The following IGSF3 variants were observed in gnomAD, a reference collection of about 807,000 sequenced individuals.
IGSF3 encodes immunoglobulin superfamily member 3.
A neutral mutation model predicts 114.4 loss-of-function variants in IGSF3; 23 were observed. The observed-to-expected ratio is 0.20, with a 90% CI of 0.14 to 0.28. The LOEUF is 0.28. Ranked by LOEUF, IGSF3 falls within the 10% of genes least tolerant of loss-of-function variation. The pLI is 1.00. For synonymous variants in IGSF3, 571 were observed against 645.2 expected, an observed-to-expected ratio of 0.88 and a Z score of 1.74; for missense variants, 1,172 against 1,591.5, an observed-to-expected ratio of 0.74 and a Z score of 4.48.
At position 116,634,605 on chromosome 1, in the gene IGSF3, T is replaced by G. The variant is rs1022684863; in HGVS notation, c.44-18148A>C. ...TGCTATGAGGGAGTTCATTTGTTCA[T>G]GCAATTTCCCCACCTGAGACAAAAT... On this transcript the variant is annotated intron_variant, in intron 2 of 10. Coordinates refer to ENST00000369486, the MANE Select transcript of IGSF3 (RefSeq NM_001007237.3). The surrounding 1 kb of genome is among the most constrained non-coding windows in gnomAD (Gnocchi z 4.2). Among the ~76,000 whole-genome samples the G allele has an allele frequency of 6.6e-6, 1 of 152,238 alleles. No homozygotes were observed. The highest frequency in any genetic ancestry group is 6.5e-5 in the Admixed American group (1 of 15,284).
Position 116,612,026 on chromosome 1 carries a change from T to C in IGSF3, c.832+1739A>G, listed in dbSNP as rs371406667. ...GGAATGCAGGGTGAAGTCATCAACT[T>C]TTTTTTCACTTAGTTTTCCTTTTGC... On this transcript the variant is annotated intron_variant, in intron 4 of 10. Coordinates refer to ENST00000369486, the MANE Select transcript of IGSF3 (RefSeq NM_001007237.3). The surrounding 1 kb of genome is among the most constrained non-coding windows in gnomAD (Gnocchi z 4.1). Among the ~76,000 whole-genome samples the C allele has an allele frequency of 2.6e-5, 4 of 152,168 alleles. No individual in the cohort carries two copies. In the South Asian group the frequency reaches 8.3e-4, roughly 32 times the overall value.
chr1:116,611,721 T>TG (rs1323252751), intron 4 of IGSF3, among the ~76,000 whole-genome samples: 2 of 152,152 alleles, frequency 1.3e-5, no homozygotes, highest in Non-Finnish European at 2.9e-5. Context: ...ATTTGTCTTA[T>TG]CAACCATCCC....
chr1:116,636,616 C>A lies in IGSF3; in HGVS notation c.44-20159G>T, dbSNP rs933495287. ...CTTGGAGAAGCTGTGATCTGTCTAG[C>A]CCTTCTACACCAGGAGCGAGGCCTG... is the stretch of plus-strand genomic sequence containing the variant. On this transcript the variant is annotated intron_variant, in intron 2 of 10. Coordinates refer to ENST00000369486, the MANE Select transcript of IGSF3 (RefSeq NM_001007237.3). The surrounding 1 kb of genome is among the most constrained non-coding windows in gnomAD (Gnocchi z 4.5). 2.0e-5 allele frequency among the ~76,000 whole-genome samples: 3 copies of A among 152,048 alleles called. No homozygotes were observed. Among genetic ancestry groups the A allele is most frequent in the African/African-American group, 7.3e-5 (3 of 41,376 alleles).
At position 116,585,164 on chromosome 1, in the gene IGSF3, C is replaced by T; in HGVS notation, c.2441-112G>A. On this transcript the variant is annotated intron_variant, in intron 8 of 10. Transcript: ENST00000369486. This position sits in a 1 kb window ranked among gnomAD's most constrained non-coding sequence, Gnocchi z 4.9. ...TTCCAAATACAGAAGGACGGCAGCA[C>T]ACACTCCATTAGGAGAAACGTTTCT... The T allele has an allele frequency of 1.3e-6, 1 of 752,292 alleles. No homozygotes were observed. The highest frequency in any genetic ancestry group is 2.1e-6 in the Non-Finnish European group (1 of 472,942). 46.6% of individuals were successfully genotyped at this position (752,292 alleles called of 1,614,324 possible). A position where few individuals can be genotyped will look rare whatever the true frequency, so the allele number is the denominator to read the frequency against.
intron 8 of IGSF3, among the ~76,000 whole-genome samples, chr1:116,586,715 T>C (rs942358540): frequency 6.6e-6 from 1 of 151,478 alleles, no homozygotes; most frequent in African/African-American, 2.4e-5. Flanking sequence ...TCAGTACAAA[T>C]GAGGAAAGGA....
chr1:116,605,911 G>C lies in IGSF3; in HGVS notation c.1223-1886C>G, dbSNP rs1660777107. On this transcript the variant is annotated intron_variant, in intron 5 of 10. Coordinates refer to ENST00000369486, the MANE Select transcript of IGSF3 (RefSeq NM_001007237.3). This position sits in a 1 kb window ranked among gnomAD's most constrained non-coding sequence, Gnocchi z 5.1. ...CAAGTCCTGGCTCATTTATTGAAAG[G>C]GCTACTGTTTGGTGGTGTCTGTTGC... Among the ~76,000 whole-genome samples the C allele has an allele frequency of 6.6e-6, 1 of 152,142 alleles. No homozygotes were observed. Among genetic ancestry groups the C allele is most frequent in the Non-Finnish European group, 1.5e-5 (1 of 68,036 alleles).
chr1:116,645,925 G>A (rs1023304863), intron 2 of IGSF3, among the ~76,000 whole-genome samples: 1 of 152,234 alleles, frequency 6.6e-6, no homozygotes, highest in Non-Finnish European at 1.5e-5. Context: ...GGAAGCCATG[G>A]ACGCGACTGC....
rs1286824267 is a variant in IGSF3, at chr1:116,613,952, G to C, written c.645C>G (p.Ser215Arg). Residue 215 changes from serine to arginine, a missense_variant, in exon 4 of 11, where the codon AGC becomes AGG. By Grantham distance (110) the Ser-to-Arg change is moderately radical (BLOSUM62 -1). Around this residue, in one of 3 missense-constraint regions of IGSF3, gnomAD observed 736 missense variants for 1,042.0 expected, o/e 0.71. Coordinates refer to ENST00000369486, the MANE Select transcript of IGSF3 (RefSeq NM_001007237.3). ...HSSSEYAQRQSLGEVRLDKLG... is the reference protein window; with the variant it reads ...HSSSEYAQRQRLGEVRLDKLG... ...GCTTGTCCAGCCGCACCTCCCCCAG[G>C]CTCTGCCTCTGGGCATATTCGCTGC... The C allele has an allele frequency of 6.2e-7, 1 of 1,613,924 alleles. No individual in the cohort carries two copies. Among genetic ancestry groups the C allele is most frequent in the Admixed American group, 1.7e-5 (1 of 60,026 alleles).
At chr1:116,623,272 C>A (rs1311224164) in intron 2 of IGSF3, among the ~76,000 whole-genome samples, 1 of 152,238 alleles carries the variant, frequency 6.6e-6, no homozygotes, top group Non-Finnish European at 1.5e-5. Flanking sequence ...TCCAAGTACT[C>A]TGCTTGTATA....
chr1:116,654,827 T>A lies in IGSF3; in HGVS notation c.43+11457A>T, dbSNP rs999620611. The stretch of plus-strand genomic sequence containing the variant: ...ACACACCCAGGACTTGGGATATTTG[T>A]GTATTTTCAAGAATAAAAGTTTGCC... On this transcript the variant is annotated intron_variant, in intron 2 of 10. Coordinates refer to ENST00000369486, the MANE Select transcript of IGSF3 (RefSeq NM_001007237.3). The surrounding 1 kb of genome is among the most constrained non-coding windows in gnomAD (Gnocchi z 4.4). Among the ~76,000 whole-genome samples the A allele has an allele frequency of 3.9e-5, 6 of 152,160 alleles. No homozygotes were observed. Among genetic ancestry groups the A allele is most frequent in the Non-Finnish European group, 5.9e-5 (4 of 68,036 alleles).
In IGSF3 at chr1:116,628,140, A is replaced by G. The variant is rs1336820486; in HGVS notation, c.44-11683T>C. ...GAGGATGGAGAAAGGATACAAAAAG[A>G]CACTGTGGGATTTCAGGGCAACCCA... On this transcript the variant is annotated intron_variant, in intron 2 of 10. Transcript: ENST00000369486. This position sits in a 1 kb window ranked among gnomAD's most constrained non-coding sequence, Gnocchi z 4.2. Among the ~76,000 whole-genome samples the G allele has an allele frequency of 3.9e-5, 6 of 152,230 alleles. No individual in the cohort carries two copies. In the East Asian group the frequency reaches 1.2e-3, roughly 29 times the overall value.
chr1:116,654,615 G>A lies in IGSF3; in HGVS notation c.43+11669C>T, dbSNP rs978471603. ...AGTATGAGGTGGGGAAGATGGATTG[G>A]CCTTATACTCACCACCCCCCATACG... On this transcript the variant is annotated intron_variant, in intron 2 of 10. Coordinates refer to ENST00000369486, the MANE Select transcript of IGSF3 (RefSeq NM_001007237.3). The surrounding 1 kb of genome is among the most constrained non-coding windows in gnomAD (Gnocchi z 4.4). 4.6e-5 allele frequency among the ~76,000 whole-genome samples: 7 copies of A among 152,160 alleles called. No individual in the cohort carries two copies. Among genetic ancestry groups the A allele is most frequent in the Non-Finnish European group, 1.0e-4 (7 of 68,024 alleles).
At position 116,585,660 on chromosome 1, in the gene IGSF3, G is replaced by C. The variant is rs1442076555; in HGVS notation, c.2441-608C>G. ...AAGACTGCCAGACAAGGTGGCTCAC[G>C]CCTGTAATCCCAGCACTTTGGGACG... On this transcript the variant is annotated intron_variant, in intron 8 of 10. Coordinates refer to ENST00000369486, the MANE Select transcript of IGSF3 (RefSeq NM_001007237.3). The surrounding 1 kb of genome is among the most constrained non-coding windows in gnomAD (Gnocchi z 4.9). 6.6e-6 allele frequency among the ~76,000 whole-genome samples: 1 copy of C among 152,180 alleles called. No individual in the cohort carries two copies. Among genetic ancestry groups the C allele is most frequent in the Non-Finnish European group, 1.5e-5 (1 of 68,038 alleles).
At position 116,621,193 on chromosome 1, in the gene IGSF3, C is replaced by T. The variant is rs542286819; in HGVS notation, c.44-4736G>A. Among the ~76,000 whole-genome samples the T allele has an allele frequency of 2.0e-5, 3 of 152,268 alleles. No homozygotes were observed. The East Asian group carries it at 5.8e-4, about 29-fold the overall frequency. On this transcript the variant is annotated intron_variant, in intron 2 of 10. Transcript: ENST00000369486. The stretch of plus-strand genomic sequence containing the variant: ...CGCCTGCTTCCCCTTCACCTTCCAC[C>T]ATGATTGAAAGTTTCCTGTGGTTGC...
chr1:116,624,800 C>T lies in IGSF3; in HGVS notation c.44-8343G>A, dbSNP rs567563866. On this transcript the variant is annotated intron_variant, in intron 2 of 10. Transcript: ENST00000369486. This position sits in a 1 kb window ranked among gnomAD's most constrained non-coding sequence, Gnocchi z 4.9. ...CTGAACCACCACATAAGACAGCCAACGGTCCTGAGGCCATGCTGTGAGGGG... is the reference window on the plus strand; with the variant it reads ...CTGAACCACCACATAAGACAGCCAATGGTCCTGAGGCCATGCTGTGAGGGG... Among the ~76,000 whole-genome samples the T allele has an allele frequency of 2.0e-5, 3 of 152,350 alleles. No individual in the cohort carries two copies. Among genetic ancestry groups the T allele is most frequent in the South Asian group, 2.1e-4 (1 of 4,824 alleles).
chr1:116,663,600 AG>A (rs1649206191), intron 2 of IGSF3, among the ~76,000 whole-genome samples: 1 of 152,110 alleles, frequency 6.6e-6, no homozygotes. Context: ...ACAAAGACAA[AG>A]GGTAGGACAA....
intron 2 of IGSF3, among the ~76,000 whole-genome samples, chr1:116,631,809 C>T (rs1233843898): frequency 6.6e-6 from 1 of 152,216 alleles, no homozygotes; most frequent in Non-Finnish European, 1.5e-5. Flanking sequence ...TCAACAGTCA[C>T]TCAGCTGATG....
chr1:116,601,015 T>G (rs1327482430), intron 6 of IGSF3, among the ~76,000 whole-genome samples: 1 of 152,194 alleles, frequency 6.6e-6, no homozygotes, highest in African/African-American at 2.4e-5. Flanking sequence ...TATGAGTACC[T>G]CAGAGCTCCT....
chr1:116,642,659 C>G lies in IGSF3; in HGVS notation c.43+23625G>C, dbSNP rs925558989. ...ATTAAAATTGATGGTTGGAACTGGGCGCTCCGAGGCTGTGGGCCGGTGTCC... is the reference window on the plus strand; with the variant it reads ...ATTAAAATTGATGGTTGGAACTGGGGGCTCCGAGGCTGTGGGCCGGTGTCC... On this transcript the variant is annotated intron_variant, in intron 2 of 10. Coordinates refer to ENST00000369486, the MANE Select transcript of IGSF3 (RefSeq NM_001007237.3). The surrounding 1 kb of genome is among the most constrained non-coding windows in gnomAD (Gnocchi z 5.4). Among the ~76,000 whole-genome samples the G allele has an allele frequency of 6.6e-6, 1 of 152,236 alleles. No individual in the cohort carries two copies. Among genetic ancestry groups the G allele is most frequent in the Non-Finnish European group, 1.5e-5 (1 of 68,048 alleles).
Sources: gnomAD v4.1 joint callset for allele counts (sites outside exome capture counted in the v4.1 genomes callset) on GRCh38, gnomAD v4.1.1 for gene constraint, gnomAD v4.1.1 regional missense constraint, Gnocchi (gnomAD v3.1) non-coding constraint, MANE v1.5 for transcripts, NCBI Gene and HGNC (gene_info 2026-07-23, HGNC 2026-07-21) for gene names.